The following ADGRL3 variants were observed in gnomAD, a reference collection of about 807,000 sequenced individuals.
ADGRL3 encodes the protein adhesion G protein-coupled receptor L3.
Under a neutral mutation model 153.5 loss-of-function variants are expected in ADGRL3, and 62 were observed. That is an observed-to-expected ratio of 0.40 (90% CI 0.33 to 0.50). ADGRL3 has a LOEUF of 0.50. Among genes scored for constraint, ADGRL3 ranks in the 20% least tolerant of loss-of-function variants. The pLI is 0.47. For synonymous variants in ADGRL3, 710 were observed against 672.5 expected, an observed-to-expected ratio of 1.06 and a Z score of -0.86; for missense variants, 1,641 against 1,859.4, an observed-to-expected ratio of 0.88 and a Z score of 2.16.
intron 5 of ADGRL3, among the ~76,000 whole-genome samples, chr4:61,627,830 A>G (rs1266531506): frequency 3.3e-5 from 5 of 152,060 alleles, no homozygotes; most frequent in Non-Finnish European, 7.4e-5. Flanking sequence ...TTTGCATTAA[A>G]CTTTAAAAAA....
At chr4:61,552,235 T>G (rs2098743691) in intron 4 of ADGRL3, among the ~76,000 whole-genome samples, 1 of 152,194 alleles carries the variant, frequency 6.6e-6, no homozygotes, top group Non-Finnish European at 1.5e-5. Context: ...TCAGGCACTG[T>G]CTCAGCATTT....
chr4:62,049,280 G>A (rs1050263428), intron 25 of ADGRL3, among the ~76,000 whole-genome samples: 3 of 152,100 alleles, frequency 2.0e-5, no homozygotes, highest in East Asian at 1.9e-4. Flanking sequence ...TTAGAAAAAA[G>A]GGCATTTTGT....
intron 1 of ADGRL3, among the ~76,000 whole-genome samples, chr4:61,219,756 T>G (rs1409808055): frequency 6.6e-6 from 1 of 152,200 alleles, no homozygotes; most frequent in Non-Finnish European, 1.5e-5. Context: ...CTTATGGCAT[T>G]TCTGACATTC....
At chr4:61,686,979 C>A (rs910577189) in intron 6 of ADGRL3, among the ~76,000 whole-genome samples, 13 of 151,814 alleles carry the variant, frequency 8.6e-5, no homozygotes, top group African/African-American at 3.1e-4. Flanking sequence ...GAATTATATT[C>A]TTTTTTATGT....
chr4:61,451,112 A>G (rs545160269), intron 2 of ADGRL3, among the ~76,000 whole-genome samples: 11 of 152,284 alleles, frequency 7.2e-5, no homozygotes, highest in Non-Finnish European at 1.5e-4. Context: ...AAGAATAGTT[A>G]GAGCATTAAA....
chr4:61,580,134 A>G (rs531721359), intron 4 of ADGRL3, among the ~76,000 whole-genome samples: 2 of 152,296 alleles, frequency 1.3e-5, no homozygotes, highest in South Asian at 4.1e-4. Context: ...GGCATTGCCA[A>G]TAAGTAGAAT....
intron 5 of ADGRL3, among the ~76,000 whole-genome samples, chr4:61,606,827 G>T (rs1055463229): frequency 6.6e-6 from 1 of 152,044 alleles, no homozygotes; most frequent in African/African-American, 2.4e-5. Flanking sequence ...GAAAATAATG[G>T]GGGTATGAGG....
intron 5 of ADGRL3, among the ~76,000 whole-genome samples, chr4:61,589,387 C>T (rs1346636688): frequency 6.6e-6 from 1 of 152,036 alleles, no homozygotes; most frequent in Non-Finnish European, 1.5e-5. Flanking sequence ...ATGTCGTGGC[C>T]ATTTAAGCTG....
chr4:61,750,205 AAAGG>A (rs1456201681), intron 8 of ADGRL3, among the ~76,000 whole-genome samples: 2 of 136,700 alleles, frequency 1.5e-5, no homozygotes, highest in Non-Finnish European at 3.2e-5. Context: ...AAAAAAAAAA[AAAGG>A]CAGTATTCCC....
chr4:61,627,658 A>G lies in ADGRL3; in HGVS notation c.473+40218A>G, dbSNP rs545509434. On this transcript the variant is annotated intron_variant, in intron 5 of 26. Transcript: ENST00000683033. The stretch of plus-strand genomic sequence containing the variant: ...ACAAATAAAGAAACACAAACAAACA[A>G]AAAAGTAAATAGTGCCTTTCAGTAT... Among the ~76,000 whole-genome samples, 155 of 152,180 alleles carry G rather than the reference A, an allele frequency of 1.0e-3. 1 individual carries two copies. The Middle Eastern group carries it at 0.014, about 13-fold the overall frequency.
intron 1 of ADGRL3, among the ~76,000 whole-genome samples, chr4:61,363,119 A>G (rs1201263458): frequency 6.6e-6 from 1 of 152,180 alleles, no homozygotes; most frequent in Non-Finnish European, 1.5e-5. Context: ...TTTACATTGA[A>G]TAGACTGTGA....
rs774434644 is a variant in ADGRL3 at position 61,948,160 on chromosome 4, A to T, written c.2689A>T (p.Thr897Ser). The change falls in exon 17 of 27, where the codon ACA (threonine) becomes TCA (serine). Residue 897 changes from threonine (T) to serine (S), a missense_variant. Thr to Ser is a moderately conservative substitution (Grantham distance 58). Around this residue, in one of 5 missense-constraint regions of ADGRL3, gnomAD observed 734 missense variants for 797.0 expected, o/e 0.92. Transcript: ENST00000683033. Reference sequence around the variant, plus strand: ...TTGGAGCTACTCCAAGCGTACAATGACAGGTTATTGGTCAACACAAGGCTG... The same window carrying T: ...TTGGAGCTACTCCAAGCGTACAATGTCAGGTTATTGGTCAACACAAGGCTG... ...SFWSYSKRTM[T>S]GYWSTQGCRL... is the part of the protein sequence containing the mutation. 1.2e-6 allele frequency: 2 copies of T among 1,613,810 alleles called. No individual in the cohort carries two copies. The highest frequency in any genetic ancestry group is 1.7e-6 in the Non-Finnish European group (2 of 1,179,822).
intron 8 of ADGRL3, among the ~76,000 whole-genome samples, chr4:61,750,949 G>C (rs966717908): frequency 6.6e-6 from 1 of 152,270 alleles, no homozygotes; most frequent in Middle Eastern, 3.4e-3. Flanking sequence ...TGGCCTGTTA[G>C]GAGCAGGGCC....
At chr4:61,758,189 G>T (rs1011919175) in intron 8 of ADGRL3, among the ~76,000 whole-genome samples, 2 of 151,984 alleles carry the variant, frequency 1.3e-5, no homozygotes, top group African/African-American at 4.8e-5. Context: ...TCAATTCCTG[G>T]ATATCCCTGG....
intron 2 of ADGRL3, among the ~76,000 whole-genome samples, chr4:61,428,633 G>A (rs563097449): frequency 1.3e-4 from 20 of 152,278 alleles, no homozygotes; most frequent in South Asian, 6.2e-4. Flanking sequence ...ATGTGATTTG[G>A]TAGTTATGTC....
At chr4:62,002,546 G>C in intron 21 of ADGRL3, among the ~76,000 whole-genome samples, 1 of 151,516 alleles carries the variant, frequency 6.6e-6, no homozygotes, top group East Asian at 1.9e-4. Flanking sequence ...CTATATTAAA[G>C]AATTCTCTAG....
intron 8 of ADGRL3, among the ~76,000 whole-genome samples, chr4:61,778,042 C>T (rs2097173249): frequency 6.6e-6 from 1 of 152,136 alleles, no homozygotes; most frequent in Admixed American, 6.6e-5. Context: ...TGTCAACAAC[C>T]TCCCACAAAA....
chr4:61,886,534 AAAGGAAAATATG>A (rs2098539872), intron 9 of ADGRL3, among the ~76,000 whole-genome samples: 1 of 152,210 alleles, frequency 6.6e-6, no homozygotes, highest in Non-Finnish European at 1.5e-5. Context: ...TTTAGAGAGG[AAAGGAAAATATG>A]AAGGAGAATA....
At chr4:61,466,718 C>A (rs1453383423) in intron 2 of ADGRL3, among the ~76,000 whole-genome samples, 1 of 152,118 alleles carries the variant, frequency 6.6e-6, no homozygotes, top group Non-Finnish European at 1.5e-5. Flanking sequence ...TGAACACCAT[C>A]TTTCTGTGCT....
Sources: gnomAD v4.1 joint callset for allele counts (sites outside exome capture counted in the v4.1 genomes callset) on GRCh38, gnomAD v4.1.1 for gene constraint, gnomAD v4.1.1 regional missense constraint, MANE v1.5 for transcripts, NCBI Gene and HGNC (gene_info 2026-07-23, HGNC 2026-07-21) for gene names.